The following GTF2F1 variants were observed in gnomAD, a reference collection of about 807,000 sequenced individuals.
GTF2F1 encodes general transcription factor IIF subunit 1.
GTF2F1 carries 39 observed loss-of-function variants against 63.5 expected under a neutral mutation model. The ratio of observed to expected loss-of-function variants is 0.61; its 90% CI spans 0.48 to 0.80. The LOEUF (loss-of-function observed/expected upper bound fraction) is 0.80, where lower values mean the gene tolerates loss of function less well. GTF2F1 is among the 30% of genes least tolerant of loss of function. The pLI is 0.00. For missense variants in GTF2F1, 657 were observed against 718.3 expected, an observed-to-expected ratio of 0.91 and a Z score of 0.97; for synonymous variants, 287 against 285.3, an observed-to-expected ratio of 1.01 and a Z score of -0.06.
rs927806520 is a variant in GTF2F1, at chr19:6,381,434, TCTC to T, written c.940_942del (p.Glu314del). On this transcript the variant is annotated inframe_deletion, in exon 9 of 13. Transcript: ENST00000394456. The surrounding 1 kb of genome is among the most constrained non-coding windows in gnomAD (Gnocchi z 4.1). ...TCCTCCTTGTCCTCCTCAGGCGGCT[TCTC>T]CTCCTCACTCTCCTCACTACTGTCG... 7 of 1,609,982 alleles carry T rather than the reference TCTC, an allele frequency of 4.3e-6. No homozygotes were observed. The highest frequency in any genetic ancestry group is 1.3e-5 in the African/African-American group (1 of 74,904).
rs1156950653 is a variant in GTF2F1, at chr19:6,380,388, C to T, written c.1447G>A (p.Gly483Arg). The T allele has an allele frequency of 6.2e-7, 1 of 1,614,144 alleles. No individual in the cohort carries two copies. Among genetic ancestry groups the T allele is most frequent in the East Asian group, 2.2e-5 (1 of 44,878 alleles). ...LLKKFQTKKTGLSSEQTVNVL... is the reference protein window; with the variant it reads ...LLKKFQTKKTRLSSEQTVNVL... ...TTCACTGTCTGCTCGCTGCTCAGCC[C>T]TGTCTTCTTGGTCTGGAACTTTTTC... The change falls in exon 13 of 13, where the codon GGG becomes AGG. Residue 483 changes from glycine to arginine, a missense_variant. Gly to Arg is a moderately radical substitution (Grantham distance 125). Coordinates refer to ENST00000394456, the MANE Select transcript of GTF2F1 (RefSeq NM_002096.3). This position sits in a 1 kb window ranked among gnomAD's most constrained non-coding sequence, Gnocchi z 5.3.
chr19:6,381,917 T>G lies in GTF2F1; in HGVS notation c.683-67A>C. The G allele has an allele frequency of 2.9e-6, 4 of 1,382,802 alleles. No homozygotes were observed. The highest frequency in any genetic ancestry group is 4.0e-6 in the Non-Finnish European group (4 of 995,912). The allele number at this position is 1,382,802 out of a possible 1,614,324, so 85.7% of individuals were successfully genotyped here. A position where few individuals can be genotyped will look rare whatever the true frequency, so the allele number is the denominator to read the frequency against. ...GGAAGGCAGTGGGTATTTATTGTGT[T>G]TTTCACATTTTGTGCAGTTTTGACA... On this transcript the variant is annotated intron_variant, in intron 6 of 12. Transcript: ENST00000394456. This position sits in a 1 kb window ranked among gnomAD's most constrained non-coding sequence, Gnocchi z 4.1.
intron 5 of GTF2F1, among the ~76,000 whole-genome samples, chr19:6,385,068 T>C (rs899429254): frequency 2.0e-5 from 3 of 152,056 alleles, no homozygotes; most frequent in Non-Finnish European, 4.4e-5. Flanking sequence ...GCCTGAACAG[T>C]TCTTAGCTAA....
chr19:6,385,626 G>A (rs910397302), intron 5 of GTF2F1, among the ~76,000 whole-genome samples: 4 of 152,140 alleles, frequency 2.6e-5, no homozygotes, highest in Admixed American at 2.0e-4. Flanking sequence ...AGACCTGGGG[G>A]CTGTTGTTCC....
Position 6,381,782 on chromosome 19 carries a change from T to C in GTF2F1, c.751A>G (p.Lys251Glu), listed in dbSNP as rs760503831. ...TCGAAGGCCTCGTCGTCTGAACCCT[T>C]CTTCTTCTTCTTTTTCCTGCCGCCC... Reference protein sequence around the residue: ...AKGGRKKKKKKGSDDEAFEDS... With the variant: ...AKGGRKKKKKEGSDDEAFEDS... The change falls in exon 7 of 13, where the codon AAG becomes GAG. Residue 251 changes from lysine (K) to glutamate (E), a missense_variant. Around this residue, in one of 2 missense-constraint regions of GTF2F1, gnomAD observed 602 missense variants for 625.6 expected, o/e 0.96. Coordinates refer to ENST00000394456, the MANE Select transcript of GTF2F1 (RefSeq NM_002096.3). This position sits in a 1 kb window ranked among gnomAD's most constrained non-coding sequence, Gnocchi z 4.1. 4.4e-6 allele frequency: 7 copies of C among 1,592,870 alleles called. No homozygotes were observed. Among genetic ancestry groups the C allele is most frequent in the Non-Finnish European group, 6.0e-6 (7 of 1,161,894 alleles).
chr19:6,381,745 T>A lies in GTF2F1; in HGVS notation c.788A>T (p.Asp263Val). 6.2e-7 allele frequency: 1 copy of A among 1,614,162 alleles called. No individual in the cohort carries two copies. The highest frequency in any genetic ancestry group is 2.2e-5 in the East Asian group (1 of 44,874). ...SDDEAFEDSD[D>V]GDFEGQEVDY... ...CACCTCTTGGCCCTCGAAGTCCCCA[T>A]CATCGCTGTCCTCGAAGGCCTCGTC... Residue 263 changes from aspartate to valine, a missense_variant, in exon 7 of 13, where the codon GAT becomes GTT. Physicochemically the swap from Asp to Val is radical, Grantham distance 152. Transcript: ENST00000394456. This position sits in a 1 kb window ranked among gnomAD's most constrained non-coding sequence, Gnocchi z 4.1.
intron 3 of GTF2F1, among the ~76,000 whole-genome samples, chr19:6,391,243 T>C (rs1039352263): frequency 3.9e-5 from 6 of 152,120 alleles, no homozygotes; most frequent in African/African-American, 1.4e-4. Context: ...AAGTCCTTTC[T>C]AGAGCCTCTG....
Position 6,383,269 on chromosome 19 carries a change from G to C in GTF2F1, c.682+42C>G. ...CTTTGCCTTCACTGGCACTGCCTGAGCAGGCACCTCTGTGACCTAATGCCC... is the reference window on the plus strand; with the variant it reads ...CTTTGCCTTCACTGGCACTGCCTGACCAGGCACCTCTGTGACCTAATGCCC... On this transcript the variant is annotated intron_variant, in intron 6 of 12. Coordinates refer to ENST00000394456, the MANE Select transcript of GTF2F1 (RefSeq NM_002096.3). The surrounding 1 kb of genome is among the most constrained non-coding windows in gnomAD (Gnocchi z 4.5). The C allele has an allele frequency of 6.3e-7, 1 of 1,588,724 alleles. No homozygotes were observed.
intron 6 of GTF2F1, among the ~76,000 whole-genome samples, chr19:6,382,237 T>G (rs1599210245): frequency 6.6e-6 from 1 of 152,036 alleles, no homozygotes; most frequent in Non-Finnish European, 1.5e-5. Flanking sequence ...ATGCCTGTCA[T>G]CCCAGCACTT....
At chr19:6,382,020 C>T (rs371353123) in intron 6 of GTF2F1, among the ~76,000 whole-genome samples, 170 bp from the exon 7 acceptor site, 2 of 152,056 alleles carry the variant, frequency 1.3e-5, no homozygotes, top group Non-Finnish European at 2.9e-5. Context: ...AACAAACTCC[C>T]GGCAGACCCC....
chr19:6,391,911 C>T lies in GTF2F1; in HGVS notation c.123G>A (p.Thr41=), dbSNP rs2091999777. 7.0e-6 allele frequency: 11 copies of T among 1,578,580 alleles called. No individual in the cohort carries two copies. Among genetic ancestry groups the T allele is most frequent in the African/African-American group, 2.7e-5 (2 of 74,758 alleles). The change falls in exon 3 of 13, where the codon ACG becomes ACA. Residue 41 remains threonine, a synonymous_variant. Coordinates refer to ENST00000394456, the MANE Select transcript of GTF2F1 (RefSeq NM_002096.3). ...GGACTCAGAGACTTACCTGATTCCA[C>T]GTAGCAAAGTTGACTTTGTCGGCTG... is the stretch of plus-strand genomic sequence containing the variant. ...FNAADKVNFA[T]WNQARLERDL...
rs563583834 is a variant in GTF2F1 at position 6,387,268 on chromosome 19, G to C, written c.497+121C>G. Reference sequence around the variant, plus strand: ...GAACTGACAGCTCTGAGACGGCCGAGTGGGGTCTGCCCTGGTTACCCCTGA... The same window carrying C: ...GAACTGACAGCTCTGAGACGGCCGACTGGGGTCTGCCCTGGTTACCCCTGA... On this transcript the variant is annotated intron_variant, in intron 5 of 12. Transcript: ENST00000394456. 55 of 906,312 alleles carry C rather than the reference G, an allele frequency of 6.1e-5. No homozygotes were observed. In the Admixed American group the frequency reaches 1.2e-3, roughly 19 times the overall value. 56.1% of individuals were successfully genotyped at this position (906,312 alleles called of 1,614,324 possible). A position where few individuals can be genotyped will look rare whatever the true frequency, so the allele number is the denominator to read the frequency against.
At chr19:6,391,453 T>G (rs1381890670) in intron 3 of GTF2F1, among the ~76,000 whole-genome samples, 6 of 138,784 alleles carry the variant, frequency 4.3e-5, no homozygotes, top group East Asian at 2.1e-4. Context: ...TTTTTTTTTT[T>G]TTTTTTTTTT....
At chr19:6,389,687 C>T in intron 3 of GTF2F1, 50 bp from the exon 4 acceptor site, 4 of 1,549,014 alleles carry the variant, frequency 2.6e-6, no homozygotes, top group Non-Finnish European at 3.5e-6. Flanking sequence ...TTTGCTTGCG[C>T]AGTGCCCCCC....
intron 5 of GTF2F1, among the ~76,000 whole-genome samples, chr19:6,385,958 C>A (rs946913609): frequency 6.6e-6 from 1 of 152,130 alleles, no homozygotes; most frequent in Non-Finnish European, 1.5e-5. Context: ...CGCCTGTAGT[C>A]CCAGCTACCC....
At chr19:6,382,636 A>T (rs2091957896) in intron 6 of GTF2F1, among the ~76,000 whole-genome samples, 1 of 150,788 alleles carries the variant, frequency 6.6e-6, no homozygotes, top group Non-Finnish European at 1.5e-5. Context: ...GTCTCCAAAA[A>T]AAAAAAAAAA....
In GTF2F1 at chr19:6,380,502, G is replaced by A. The variant is rs200104282; in HGVS notation, c.1350-17C>T. On this transcript the variant is annotated splice_polypyrimidine_tract_variant and intron_variant, in intron 12 of 12. Transcript: ENST00000394456. This position sits in a 1 kb window ranked among gnomAD's most constrained non-coding sequence, Gnocchi z 5.3. The stretch of plus-strand genomic sequence containing the variant: ...TGCACGTCGCTGAGGATGGGAGGAC[G>A]GGGAAGGTGGCATCAGTGAGATTGT... 3.2e-5 allele frequency: 52 copies of A among 1,613,274 alleles called. 1 individual carries two copies. The Admixed American group carries it at 4.0e-4, about 12-fold the overall frequency.
At position 6,381,374 on chromosome 19, in the gene GTF2F1, TCTC is replaced by T; in HGVS notation, c.1000_1002del (p.Glu334del). The T allele has an allele frequency of 1.2e-6, 2 of 1,606,190 alleles. No individual in the cohort carries two copies. The highest frequency in any genetic ancestry group is 1.3e-5 in the African/African-American group (1 of 74,860). ...TGCGCCGCACCTTTCCTGCGCTTCTTCTCCTGCGGGGTGGGTGCCTTCTTCTCC... is the reference window on the plus strand; with the variant it reads ...TGCGCCGCACCTTTCCTGCGCTTCTTCTGCGGGGTGGGTGCCTTCTTCTCC... On this transcript the variant is annotated inframe_deletion, in exon 9 of 13. Coordinates refer to ENST00000394456, the MANE Select transcript of GTF2F1 (RefSeq NM_002096.3). This position sits in a 1 kb window ranked among gnomAD's most constrained non-coding sequence, Gnocchi z 4.1.
In GTF2F1 at chr19:6,383,063, A is replaced by C. The variant is rs1230027498; in HGVS notation, c.682+248T>G. 6.6e-6 allele frequency among the ~76,000 whole-genome samples: 1 copy of C among 152,054 alleles called. No homozygotes were observed. Among genetic ancestry groups the C allele is most frequent in the African/African-American group, 2.4e-5 (1 of 41,408 alleles). On this transcript the variant is annotated intron_variant, in intron 6 of 12. Transcript: ENST00000394456. This position sits in a 1 kb window ranked among gnomAD's most constrained non-coding sequence, Gnocchi z 4.5. ...ACTAGAGGCATGCACCACCATGCCC[A>C]GCTAATTTTTGTGTTTTCAGTAGAG...
Sources: allele counts gnomAD v4.1 joint callset (sites outside exome capture counted in the v4.1 genomes callset), GRCh38; gene constraint gnomAD v4.1.1; regional missense constraint gnomAD v4.1.1; non-coding constraint Gnocchi (gnomAD v3.1); transcripts MANE v1.5; gene names NCBI Gene and HGNC (gene_info 2026-07-23, HGNC 2026-07-21).